The following NIPAL3 variants were observed in gnomAD, a reference collection of about 807,000 sequenced individuals.
The protein encoded by NIPAL3 is NIPA like domain containing 3.
NIPAL3 carries 41 observed loss-of-function variants against 47.2 expected under a neutral mutation model. The ratio of observed to expected loss-of-function variants is 0.87; its 90% CI spans 0.68 to 1.13. The LOEUF is 1.13. Among genes scored for constraint, NIPAL3 ranks in the 50% most tolerant of loss-of-function variants. NIPAL3 has a pLI of 0.00. For synonymous variants in NIPAL3, 194 were observed against 209.6 expected, an observed-to-expected ratio of 0.93 and a Z score of 0.64; for missense variants, 449 against 530.1, an observed-to-expected ratio of 0.85 and a Z score of 1.50.
rs1557475805 is a variant in NIPAL3, at chr1:24,416,199, G to A, written c.-258+295G>A. ...CTCCTCTTCGTGCCGAGCGGCTCGGGCTTCCTGGCGGCAGCAGATGGTGGA... is the reference window on the plus strand; with the variant it reads ...CTCCTCTTCGTGCCGAGCGGCTCGGACTTCCTGGCGGCAGCAGATGGTGGA... On this transcript the variant is annotated intron_variant, in intron 1 of 11. Transcript: ENST00000374399. This position sits in a 1 kb window ranked among gnomAD's most constrained non-coding sequence, Gnocchi z 4.8. The A allele has an allele frequency of 1.0e-6, 1 of 985,672 alleles. No homozygotes were observed. The highest frequency in any genetic ancestry group is 4.7e-5 in the South Asian group (1 of 21,286). The allele number at this position is 985,672 out of a possible 1,614,324, so 61.1% of individuals were successfully genotyped here. A position where few individuals can be genotyped will look rare whatever the true frequency, so the allele number is the denominator to read the frequency against.
intron 2 of NIPAL3, 52 bp from the exon 3 acceptor site, chr1:24,440,120 G>GC: frequency 2.1e-6 from 3 of 1,398,368 alleles, no homozygotes; most frequent in Non-Finnish European, 2.9e-6. Flanking sequence ...GTGTCCTGGG[G>GC]CCCCCTGGCT....
At position 24,416,147 on chromosome 1, in the gene NIPAL3, G is replaced by C; in HGVS notation, c.-258+243G>C. ...GCCAGGCTCTACCAAACCAGGAAGT[G>C]ACATGGAGTTAACTTTGCCAGAATT... is the stretch of plus-strand genomic sequence containing the variant. On this transcript the variant is annotated intron_variant, in intron 1 of 11. Transcript: ENST00000374399. This position sits in a 1 kb window ranked among gnomAD's most constrained non-coding sequence, Gnocchi z 4.8. The C allele has an allele frequency of 1.0e-6, 1 of 985,516 alleles. No homozygotes were observed. The highest frequency in any genetic ancestry group is 5.2e-4 in the Middle Eastern group (1 of 1,916). The allele number at this position is 985,516 out of a possible 1,614,324, so 61.0% of individuals were successfully genotyped here.
chr1:24,438,008 A>G (rs1457087864), intron 2 of NIPAL3, among the ~76,000 whole-genome samples: 1 of 152,220 alleles, frequency 6.6e-6, no homozygotes, highest in East Asian at 1.9e-4. Flanking sequence ...GAGTTAGACA[A>G]GGAGAAACTC....
intron 6 of NIPAL3, among the ~76,000 whole-genome samples, chr1:24,452,551 A>G (rs1289007663): frequency 1.3e-5 from 2 of 152,150 alleles, no homozygotes; most frequent in African/African-American, 4.8e-5. Flanking sequence ...TAAGGTTTAG[A>G]GAAGTTAAGT....
chr1:24,419,571 C>T lies in NIPAL3; in HGVS notation c.24C>T (p.Ala8=). ...CCATGGACGGATCCCACAGCGCAGC[C>T]CTGAAGCTGCAGCAGCTGCCTCCCA... MDGSHSA[A]LKLQQLPPTS... Residue 8 remains alanine (A), a synonymous_variant, in exon 2 of 12, where the codon GCC becomes GCT. Transcript: ENST00000374399. 6.2e-7 allele frequency: 1 copy of T among 1,613,948 alleles called. No individual in the cohort carries two copies. The highest frequency in any genetic ancestry group is 1.1e-5 in the South Asian group (1 of 90,990).
chr1:24,461,088 A>G (rs566782616), intron 10 of NIPAL3, among the ~76,000 whole-genome samples: 2 of 152,388 alleles, frequency 1.3e-5, no homozygotes, highest in South Asian at 2.1e-4. Context: ...AATTAGTTGT[A>G]TAAGCAAACA....
intron 2 of NIPAL3, among the ~76,000 whole-genome samples, chr1:24,436,355 G>A (rs1001184161): frequency 2.0e-5 from 3 of 151,470 alleles, no homozygotes; most frequent in Non-Finnish European, 4.4e-5. Flanking sequence ...TGGCTTCTTC[G>A]CCTACAAGTT....
At chr1:24,431,072 G>A (rs2148778247) in intron 2 of NIPAL3, among the ~76,000 whole-genome samples, 1 of 152,280 alleles carries the variant, frequency 6.6e-6, no homozygotes, top group Admixed American at 6.5e-5. Context: ...CCAAACATCA[G>A]TCAAACCAGA....
chr1:24,467,605 C>T (rs1646752755), intron 11 of NIPAL3, among the ~76,000 whole-genome samples: 2 of 152,326 alleles, frequency 1.3e-5, no homozygotes, highest in East Asian at 1.9e-4. Context: ...GCTTCATTTT[C>T]GTTATTAGTC....
chr1:24,449,354 C>T lies in NIPAL3; in HGVS notation c.395-127C>T, dbSNP rs975599452. 4.1e-6 allele frequency: 4 copies of T among 968,302 alleles called. No homozygotes were observed. In the African/African-American group the frequency reaches 6.6e-5, roughly 16 times the overall value. The allele number at this position is 968,302 out of a possible 1,614,324, so 60.0% of individuals were successfully genotyped here. A position where few individuals can be genotyped will look rare whatever the true frequency, so the allele number is the denominator to read the frequency against. On this transcript the variant is annotated intron_variant, in intron 5 of 11. Transcript: ENST00000374399. The surrounding 1 kb of genome is among the most constrained non-coding windows in gnomAD (Gnocchi z 4.5). ...TTTATTTTTTAAAGTAAAGAAAAAC[C>T]AAAAATACAAACAATACCAGGTCAT...
At chr1:24,465,966 C>G (rs1474928603) in intron 11 of NIPAL3, 1 of 1,584,694 alleles carries the variant, frequency 6.3e-7, no homozygotes, top group African/African-American at 1.3e-5. Context: ...ACTTGGTTTC[C>G]CTGGTCAGCA....
At chr1:24,431,605 G>C (rs1644881327) in intron 2 of NIPAL3, among the ~76,000 whole-genome samples, 1 of 152,018 alleles carries the variant, frequency 6.6e-6, no homozygotes, top group Admixed American at 6.6e-5. Context: ...ATCACTCAGA[G>C]CCTCCCTGTC....
At position 24,446,233 on chromosome 1, in the gene NIPAL3, C is replaced by T. The variant is rs190601725; in HGVS notation, c.394+989C>T. The stretch of plus-strand genomic sequence containing the variant: ...GATGGGAACACTTTCCTAGACTGAT[C>T]AGGGTCAGACTCTCTGAGGAGGTGA... On this transcript the variant is annotated intron_variant, in intron 5 of 11. Transcript: ENST00000374399. 2.6e-5 allele frequency among the ~76,000 whole-genome samples: 4 copies of T among 152,190 alleles called. No individual in the cohort carries two copies. In the East Asian group the frequency reaches 5.8e-4, roughly 22 times the overall value.
intron 2 of NIPAL3, among the ~76,000 whole-genome samples, chr1:24,420,673 T>TA (rs1644289183): frequency 6.6e-6 from 1 of 152,204 alleles, no homozygotes; most frequent in Non-Finnish European, 1.5e-5. Flanking sequence ...AACTTGACCT[T>TA]ACTTGTGGAA....
At chr1:24,424,293 C>T (rs1644472181) in intron 2 of NIPAL3, among the ~76,000 whole-genome samples, 1 of 152,178 alleles carries the variant, frequency 6.6e-6, no homozygotes, top group African/African-American at 2.4e-5. Flanking sequence ...TATGGTACAA[C>T]CCTGCAGAGC....
chr1:24,418,409 C>T (rs1644158771), intron 1 of NIPAL3, among the ~76,000 whole-genome samples: 1 of 152,116 alleles, frequency 6.6e-6, no homozygotes. Context: ...GGCAAGTGGA[C>T]TGCTTGAGCC....
At chr1:24,452,254 C>T (rs576887193) in intron 6 of NIPAL3, among the ~76,000 whole-genome samples, 101 of 152,290 alleles carry the variant, frequency 6.6e-4, no homozygotes, top group Non-Finnish European at 1.1e-3. Flanking sequence ...TTCTCAAACT[C>T]GGACTTGCCA....
intron 2 of NIPAL3, among the ~76,000 whole-genome samples, chr1:24,435,378 C>T (rs1323852709): frequency 1.3e-5 from 2 of 152,112 alleles, no homozygotes; most frequent in Admixed American, 6.5e-5. Flanking sequence ...TAGTTCAGTT[C>T]CTTCATTGGT....
intron 1 of NIPAL3, among the ~76,000 whole-genome samples, chr1:24,418,493 C>T (rs558792569): frequency 3.3e-5 from 5 of 152,154 alleles, no homozygotes; most frequent in Admixed American, 6.5e-5. Context: ...CCTTGTGGCA[C>T]GCGTCTGAGG....
Sources: allele counts gnomAD v4.1 joint callset (sites outside exome capture counted in the v4.1 genomes callset), GRCh38; gene constraint gnomAD v4.1.1; non-coding constraint Gnocchi (gnomAD v3.1); transcripts MANE v1.5; gene names NCBI Gene and HGNC (gene_info 2026-07-23, HGNC 2026-07-21).